The following CABLES1 variants were observed in gnomAD, a reference collection of about 807,000 sequenced individuals.
CABLES1 encodes CDK5 and ABL1 enzyme substrate 1.
Under a neutral mutation model 57.8 loss-of-function variants are expected in CABLES1, and 36 were observed. The ratio of observed to expected loss-of-function variants is 0.62; its 90% CI spans 0.48 to 0.82. CABLES1 has a LOEUF of 0.82. CABLES1 is among the 40% of genes least tolerant of loss of function. The pLI is 0.00. For missense variants in CABLES1, 767 were observed against 836.6 expected (o/e 0.92, Z 1.03); for synonymous variants, 374 against 363.0 (o/e 1.03, Z -0.35).
In CABLES1 at chr18:23,135,864, G is replaced by A. The variant is rs1325828102; in HGVS notation, c.102G>A (p.Gln34=). The change falls in exon 1 of 10, where the codon CAG becomes CAA. Residue 34 remains glutamine, a synonymous_variant. Transcript: ENST00000256925. ...GCGGATTGCAGCAGCCGCCGCCGCA[G>A]CCCCAGCCTCAGCCCGCGGCCGCCG... ...GASGLQQPPP[Q]PQPQPAAAAP... The A allele has an allele frequency of 6.9e-6, 7 of 1,017,988 alleles. No individual in the cohort carries two copies. The highest frequency in any genetic ancestry group is 8.2e-6 in the Non-Finnish European group (7 of 852,570). The allele number at this position is 1,017,988 out of a possible 1,614,324, so 63.1% of individuals were successfully genotyped here. A position where few individuals can be genotyped will look rare whatever the true frequency, so the allele number is the denominator to read the frequency against.
chr18:23,249,666 A>G (rs1321275125), intron 7 of CABLES1, among the ~76,000 whole-genome samples: 1 of 152,046 alleles, frequency 6.6e-6, no homozygotes, highest in Non-Finnish European at 1.5e-5. Context: ...TTCTCATCTC[A>G]TCTCGTTTTG....
At chr18:23,216,040 C>T (rs1472260501) in intron 4 of CABLES1, among the ~76,000 whole-genome samples, 2 of 152,216 alleles carry the variant, frequency 1.3e-5, no homozygotes, top group African/African-American at 4.8e-5. Flanking sequence ...AGGCGTGAGC[C>T]ACCACGCCCG....
intron 4 of CABLES1, among the ~76,000 whole-genome samples, chr18:23,232,911 C>T (rs981611978): frequency 1.3e-5 from 2 of 152,074 alleles, no homozygotes; most frequent in Non-Finnish European, 2.9e-5. Context: ...TTTTTCCCTT[C>T]TCTTCTCACC....
intron 7 of CABLES1, among the ~76,000 whole-genome samples, chr18:23,240,022 G>A (rs2047695609): frequency 6.6e-6 from 1 of 152,214 alleles, no homozygotes; most frequent in Non-Finnish European, 1.5e-5. Context: ...AGAGGCTGAG[G>A]TGGGAGAATT....
At chr18:23,143,728 C>T (rs2046872913) in intron 1 of CABLES1, among the ~76,000 whole-genome samples, 1 of 152,220 alleles carries the variant, frequency 6.6e-6, no homozygotes, top group South Asian at 2.1e-4. Context: ...GTCCCCTTGG[C>T]CCCTTCCTGC....
chr18:23,245,503 CA>C (rs914289893), intron 7 of CABLES1, among the ~76,000 whole-genome samples: 1,505 of 94,522 alleles, frequency 0.016, 8 homozygotes, highest in African/African-American at 0.039. Flanking sequence ...CATCCTGTCT[CA>C]AAAAAAAAAA....
intron 1 of CABLES1, among the ~76,000 whole-genome samples, chr18:23,153,598 G>T (rs1361407707): frequency 6.6e-6 from 1 of 151,990 alleles, no homozygotes; most frequent in Non-Finnish European, 1.5e-5. Context: ...ACCAGGCGTG[G>T]TGACACATAC....
chr18:23,216,782 A>C (rs2047445476), intron 4 of CABLES1, among the ~76,000 whole-genome samples: 1 of 152,014 alleles, frequency 6.6e-6, no homozygotes, highest in Admixed American at 6.6e-5. Flanking sequence ...GTGGCCCTCC[A>C]CTCTTCAACA....
chr18:23,205,301 C>T (rs758111824), intron 3 of CABLES1, among the ~76,000 whole-genome samples: 3 of 142,922 alleles, frequency 2.1e-5, no homozygotes, highest in Non-Finnish European at 3.0e-5. Flanking sequence ...TCAAGTGATT[C>T]TCCTGCCTCA....
intron 3 of CABLES1, among the ~76,000 whole-genome samples, chr18:23,206,405 T>C (rs2047363826): frequency 6.6e-6 from 1 of 152,226 alleles, no homozygotes; most frequent in Admixed American, 6.5e-5. Context: ...GGTTAGTAAA[T>C]GCCAAAGGAA....
intron 1 of CABLES1, among the ~76,000 whole-genome samples, chr18:23,163,244 C>G (rs1163121350): frequency 6.6e-6 from 1 of 152,056 alleles, no homozygotes; most frequent in South Asian, 2.1e-4. Context: ...GAAGTTTGAG[C>G]TGCCTGTGAG....
chr18:23,253,952 C>T lies in CABLES1; in HGVS notation c.1761+16C>T, dbSNP rs772774417. ...TTTAATTGACGTAAGTAGCCTTTTT[C>T]CTGGTGGCTGGAGGAGCACATGCTC... On this transcript the variant is annotated intron_variant, in intron 9 of 9. Transcript: ENST00000256925. The T allele has an allele frequency of 1.4e-5, 23 of 1,611,134 alleles. No individual in the cohort carries two copies. The highest frequency in any genetic ancestry group is 1.0e-4 in the Admixed American group (6 of 60,004).
intron 3 of CABLES1, among the ~76,000 whole-genome samples, chr18:23,195,776 G>C (rs998953778): frequency 6.6e-6 from 1 of 150,630 alleles, no homozygotes; most frequent in Non-Finnish European, 1.5e-5. Flanking sequence ...CCTTTTTTTC[G>C]CTGACACTTA....
chr18:23,237,099 G>T, intron 6 of CABLES1, 43 bp from the exon 7 acceptor site: 1 of 1,157,414 alleles, frequency 8.6e-7, no homozygotes, highest in Non-Finnish European at 1.3e-6. Flanking sequence ...GGGAGGGTCC[G>T]GAGCCGCTAA....
chr18:23,178,659 G>A (rs998056012), intron 1 of CABLES1, among the ~76,000 whole-genome samples: 2 of 152,202 alleles, frequency 1.3e-5, no homozygotes, highest in Non-Finnish European at 1.5e-5. Flanking sequence ...TAGACTGGGA[G>A]ATCTTTGGGG....
intron 4 of CABLES1, among the ~76,000 whole-genome samples, chr18:23,218,682 T>TG (rs1284107071): frequency 6.6e-6 from 1 of 151,754 alleles, no homozygotes; most frequent in Non-Finnish European, 1.5e-5. Flanking sequence ...TCACTTGCCC[T>TG]GCCTCCCACC....
intron 7 of CABLES1, among the ~76,000 whole-genome samples, chr18:23,251,745 C>A (rs889853199): frequency 6.6e-6 from 1 of 152,140 alleles, no homozygotes; most frequent in Admixed American, 6.5e-5. Flanking sequence ...TGTTGTTCAA[C>A]CTTAAAGGAA....
chr18:23,232,616 G>A (rs140091706), intron 4 of CABLES1, among the ~76,000 whole-genome samples: 3 of 152,344 alleles, frequency 2.0e-5, no homozygotes, highest in Admixed American at 6.5e-5. Context: ...TCTTGTGGGT[G>A]TGAACAGAGT....
chr18:23,217,592 AC>A (rs2047451456), intron 4 of CABLES1, among the ~76,000 whole-genome samples: 1 of 152,148 alleles, frequency 6.6e-6, no homozygotes, highest in African/African-American at 2.4e-5. Flanking sequence ...TTTATAAACA[AC>A]CCACTTAACC....
Sources: gnomAD v4.1 joint callset for allele counts (sites outside exome capture counted in the v4.1 genomes callset) on GRCh38, gnomAD v4.1.1 for gene constraint, MANE v1.5 for transcripts, NCBI Gene and HGNC (gene_info 2026-07-23, HGNC 2026-07-21) for gene names.